PLEKHH2: variants seen among roughly 807,000 people sequenced by gnomAD.
PLEKHH2 encodes pleckstrin homology domain-containing family H member 2.
PLEKHH2 carries 129 observed loss-of-function variants against 187.9 expected under a neutral mutation model. The ratio of observed to expected loss-of-function variants is 0.69; its 90% CI spans 0.59 to 0.79. PLEKHH2 has a LOEUF of 0.79. Among genes scored for constraint, PLEKHH2 ranks in the 30% least tolerant of loss-of-function variants. PLEKHH2 has a pLI of 0.00. For synonymous variants in PLEKHH2, 686 were observed against 605.6 expected (o/e 1.13, Z -1.95); for missense variants, 2,076 against 1,751.2 (o/e 1.19, Z -3.31).
At chr2:43,695,248 C>T (rs770257186) in intron 6 of PLEKHH2, 24 bp downstream of exon 6, 2 of 1,399,262 alleles carry the variant, frequency 1.4e-6, no homozygotes, top group East Asian at 2.3e-5. Context: ...ACTAAGATAG[C>T]TTAGTTGGAT....
intron 3 of PLEKHH2, among the ~76,000 whole-genome samples, chr2:43,690,068 A>G (rs1446026159): frequency 6.6e-6 from 1 of 152,006 alleles, no homozygotes; most frequent in East Asian, 1.9e-4. Flanking sequence ...CCCAGAGGAG[A>G]ACTATCATTT....
intron 1 of PLEKHH2, among the ~76,000 whole-genome samples, chr2:43,643,983 G>T (rs1192599711): frequency 6.6e-6 from 1 of 152,066 alleles, no homozygotes; most frequent in East Asian, 1.9e-4. Context: ...TACTTCATAT[G>T]GCTAACTCCA....
chr2:43,704,116 G>A, intron 9 of PLEKHH2, 60 bp downstream of exon 9: 1 of 1,179,278 alleles, frequency 8.5e-7, no homozygotes, highest in Non-Finnish European at 1.2e-6. Context: ...CTAAGGGATA[G>A]TATAATACAA....
chr2:43,672,207 G>T (rs986659195), intron 2 of PLEKHH2, among the ~76,000 whole-genome samples: 2 of 152,072 alleles, frequency 1.3e-5, no homozygotes, highest in Non-Finnish European at 2.9e-5. Flanking sequence ...AGCATCTGTG[G>T]GGTCTGTGGT....
At chr2:43,760,664 A>T (rs911053006) in intron 27 of PLEKHH2, among the ~76,000 whole-genome samples, 8 of 152,156 alleles carry the variant, frequency 5.3e-5, no homozygotes, top group Non-Finnish European at 8.8e-5. Flanking sequence ...CATCTGGCCC[A>T]TTGTAACCAT....
intron 14 of PLEKHH2, chr2:43,710,904 A>T: frequency 9.2e-7 from 1 of 1,086,752 alleles, no homozygotes; most frequent in Non-Finnish European, 1.1e-6. Flanking sequence ...AATTCTCAAT[A>T]AGATGTTAGT....
chr2:43,742,866 A>G lies in PLEKHH2; in HGVS notation c.3347A>G (p.His1116Arg), dbSNP rs543855241. The G allele has an allele frequency of 2.5e-6, 4 of 1,607,554 alleles. No individual in the cohort carries two copies. In the East Asian group the frequency reaches 6.8e-5, roughly 27 times the overall value. The change falls in exon 22 of 30, where the codon CAC becomes CGC. Residue 1116 changes from histidine (H) to arginine (R), a missense_variant. Coordinates refer to ENST00000282406, the MANE Select transcript of PLEKHH2 (RefSeq NM_172069.4). ...ILSTLLRNPY[H>R]HSLPFSIPVH... ...TCAACTCTTCTCCGAAACCCTTATC[A>G]CCATTCTTTGCCCTTTAGTATACCT...
chr2:43,644,657 T>C lies in PLEKHH2; in HGVS notation c.-3-14T>C, dbSNP rs374200215. 2.0e-6 allele frequency: 3 copies of C among 1,500,600 alleles called. No individual in the cohort carries two copies. In the African/African-American group the frequency reaches 4.3e-5, roughly 21 times the overall value. The allele number at this position is 1,500,600 out of a possible 1,614,324, so 93.0% of individuals were successfully genotyped here. A position where few individuals can be genotyped will look rare whatever the true frequency, so the allele number is the denominator to read the frequency against. On this transcript the variant is annotated splice_polypyrimidine_tract_variant and intron_variant, in intron 1 of 29. Transcript: ENST00000282406. ...TACTTTTTAATTTTTTGTTTATTTA[T>C]TTAATTTTTTTAGAATATGGCAGAG...
At chr2:43,702,066 C>A in intron 8 of PLEKHH2, among the ~76,000 whole-genome samples, 1 of 152,164 alleles carries the variant, frequency 6.6e-6, no homozygotes, top group Non-Finnish European at 1.5e-5. Flanking sequence ...GCCACTGCAC[C>A]TGGTCTGAAA....
Position 43,764,250 on chromosome 2 carries a change from A to G in PLEKHH2, c.4181A>G (p.Tyr1394Cys), listed in dbSNP as rs376406234. The G allele has an allele frequency of 6.4e-7, 1 of 1,552,182 alleles. No homozygotes were observed. The highest frequency in any genetic ancestry group is 8.7e-7 in the Non-Finnish European group (1 of 1,146,412). ...NSMRLIVSYV[Y>C]KSLMTFGGYQ... ...AAGAGGTTAATAGTCAGCTATGTGT[A>G]CAAGAGTCTAATGACCTTTGGAGGC... is the stretch of plus-strand genomic sequence containing the variant. The change falls in exon 29 of 30, where the codon TAC becomes TGC. Residue 1394 changes from tyrosine to cysteine, a missense_variant. Coordinates refer to ENST00000282406, the MANE Select transcript of PLEKHH2 (RefSeq NM_172069.4).
chr2:43,761,721 C>A (rs1220495189), intron 27 of PLEKHH2, among the ~76,000 whole-genome samples: 3 of 152,032 alleles, frequency 2.0e-5, no homozygotes, highest in Admixed American at 6.5e-5. Flanking sequence ...AATTTCGTAG[C>A]TTTTACAATA....
intron 11 of PLEKHH2, among the ~76,000 whole-genome samples, 174 bp from the exon 12 acceptor site, chr2:43,709,816 C>T (rs920070991): frequency 6.6e-6 from 1 of 152,068 alleles, no homozygotes; most frequent in Non-Finnish European, 1.5e-5. Flanking sequence ...AGCCTGGTGA[C>T]AGAGCGAGAC....
intron 2 of PLEKHH2, among the ~76,000 whole-genome samples, chr2:43,670,214 C>T (rs1280323751): frequency 2.0e-5 from 3 of 152,014 alleles, no homozygotes; most frequent in Non-Finnish European, 4.4e-5. Flanking sequence ...TGCTTTATGC[C>T]AGGAGAACAT....
At chr2:43,675,901 GC>G in intron 2 of PLEKHH2, 1 of 1,614,120 alleles carries the variant, frequency 6.2e-7, no homozygotes, top group Non-Finnish European at 8.5e-7. Flanking sequence ...AGTGGGAAGT[GC>G]AAGGAAGAAC....
chr2:43,750,602 A>C (rs1285099435), intron 24 of PLEKHH2, among the ~76,000 whole-genome samples: 4 of 152,168 alleles, frequency 2.6e-5, no homozygotes, highest in African/African-American at 4.8e-5. Context: ...ATCAGGCCTT[A>C]TTCTTAACTC....
intron 2 of PLEKHH2, among the ~76,000 whole-genome samples, chr2:43,656,800 C>T (rs1666791362): frequency 6.6e-6 from 1 of 152,134 alleles, no homozygotes; most frequent in Non-Finnish European, 1.5e-5. Flanking sequence ...GGTGGATCAC[C>T]TGAAGCTAGG....
chr2:43,680,871 T>C (rs910355605), intron 3 of PLEKHH2: 10 of 553,248 alleles, frequency 1.8e-5, no homozygotes, highest in Non-Finnish European at 3.0e-5. Flanking sequence ...CATAGTCACA[T>C]CTTCCATTTG....
intron 16 of PLEKHH2, among the ~76,000 whole-genome samples, chr2:43,725,625 C>T (rs1374780555): frequency 6.6e-6 from 1 of 152,328 alleles, no homozygotes; most frequent in East Asian, 1.9e-4. Flanking sequence ...TAATTTCTTT[C>T]TGCCTCCTAT....
At chr2:43,750,997 G>C (rs910400614) in intron 24 of PLEKHH2, among the ~76,000 whole-genome samples, 4 of 152,196 alleles carry the variant, frequency 2.6e-5, no homozygotes, top group Non-Finnish European at 4.4e-5. Context: ...GCCTGGGTTA[G>C]AATCCTGGCT....
Sources: allele counts gnomAD v4.1 joint callset (sites outside exome capture counted in the v4.1 genomes callset), GRCh38; gene constraint gnomAD v4.1.1; transcripts MANE v1.5; gene names NCBI Gene and HGNC (gene_info 2026-07-23, HGNC 2026-07-21).